PAPPA: variants seen among roughly 807,000 people sequenced by gnomAD.
PAPPA encodes pappalysin 1.
Under a neutral mutation model 164.0 loss-of-function variants are expected in PAPPA, and 60 were observed. The ratio of observed to expected loss-of-function variants is 0.37; its 90% CI spans 0.30 to 0.45. The LOEUF (loss-of-function observed/expected upper bound fraction) is 0.45, where lower values mean the gene tolerates loss of function less well. PAPPA is among the 20% of genes least tolerant of loss of function. PAPPA has a pLI of 1.00. For synonymous variants in PAPPA, 875 were observed against 814.1 expected, an observed-to-expected ratio of 1.07 and a Z score of -1.27; for missense variants, 1,782 against 2,087.3, an observed-to-expected ratio of 0.85 and a Z score of 2.85.
intron 1 of PAPPA, among the ~76,000 whole-genome samples, chr9:116,163,200 T>C (rs1005708776): frequency 4.6e-5 from 7 of 152,162 alleles, no homozygotes; most frequent in Non-Finnish European, 1.0e-4. Flanking sequence ...AGACAGACTA[T>C]AAATGAATAA....
At chr9:116,391,199 A>G (rs1286444194) in intron 21 of PAPPA, among the ~76,000 whole-genome samples, 1 of 152,222 alleles carries the variant, frequency 6.6e-6, no homozygotes, top group Non-Finnish European at 1.5e-5. Flanking sequence ...CAAGCTTCGT[A>G]TACATTAACT....
At chr9:116,359,072 C>T (rs1368799131) in intron 17 of PAPPA, among the ~76,000 whole-genome samples, 1 of 152,160 alleles carries the variant, frequency 6.6e-6, no homozygotes, top group Non-Finnish European at 1.5e-5. Flanking sequence ...TAAAGAGCAT[C>T]CCCAAATCTA....
chr9:116,362,446 T>G, intron 17 of PAPPA, 146 bp from the exon 18 acceptor site: 4 of 771,258 alleles, frequency 5.2e-6, no homozygotes, highest in Non-Finnish European at 8.0e-6. Flanking sequence ...TCAGGGTGGT[T>G]GAGTTTCAAC....
In PAPPA at chr9:116,187,180, T is replaced by C. The variant is rs141966628; in HGVS notation, c.442T>C (p.Ser148Pro). The C allele has an allele frequency of 6.6e-5, 107 of 1,613,984 alleles. No homozygotes were observed. The African/African-American group carries it at 1.3e-3, about 20-fold the overall frequency. ...GCTGTATGACAAATGTTCTTATATC[T>C]CACGTGACCGAGGATGGGTCGTGGG... is the stretch of plus-strand genomic sequence containing the variant. ...TGLYDKCSYI[S>P]RDRGWVVGIH... The change falls in exon 2 of 22, where the codon TCA becomes CCA. Residue 148 changes from serine to proline, a missense_variant. Ser to Pro is a moderately conservative substitution (Grantham distance 74, BLOSUM62 -1). Transcript: ENST00000328252. The surrounding 1 kb of genome is among the most constrained non-coding windows in gnomAD (Gnocchi z 4.2).
chr9:116,333,612 T>C (rs1564229680), intron 12 of PAPPA, among the ~76,000 whole-genome samples: 2 of 152,234 alleles, frequency 1.3e-5, no homozygotes, highest in African/African-American at 4.8e-5. Context: ...TTTGTTTTTA[T>C]GCTTGTTTAT....
intron 9 of PAPPA, among the ~76,000 whole-genome samples, chr9:116,276,929 C>T (rs768542138): frequency 1.3e-5 from 2 of 152,072 alleles, no homozygotes; most frequent in Non-Finnish European, 2.9e-5. Context: ...TTCACCGAGC[C>T]TTGTGGCCCC....
intron 7 of PAPPA, among the ~76,000 whole-genome samples, chr9:116,239,316 C>G (rs1486926653): frequency 6.6e-6 from 1 of 152,122 alleles, no homozygotes; most frequent in Non-Finnish European, 1.5e-5. Context: ...AGAAAGGGTA[C>G]CAGTGCCAAC....
intron 21 of PAPPA, among the ~76,000 whole-genome samples, chr9:116,394,317 T>A (rs1846933317): frequency 1.3e-5 from 2 of 152,208 alleles, no homozygotes; most frequent in Non-Finnish European, 2.9e-5. Context: ...GGCTTTTGCA[T>A]GTTTCTTCTT....
intron 1 of PAPPA, among the ~76,000 whole-genome samples, chr9:116,183,348 A>C (rs1187750582): frequency 2.0e-5 from 3 of 152,196 alleles, no homozygotes; most frequent in Non-Finnish European, 4.4e-5. Context: ...AGTGAACAAA[A>C]GAGCTCTTAA....
At chr9:116,246,619 G>A (rs1211350901) in intron 7 of PAPPA, among the ~76,000 whole-genome samples, 3 of 152,080 alleles carry the variant, frequency 2.0e-5, no homozygotes, top group Non-Finnish European at 4.4e-5. Flanking sequence ...GAAACTTCCT[G>A]GCATGCAAGA....
intron 1 of PAPPA, among the ~76,000 whole-genome samples, chr9:116,184,747 T>C (rs1204695078): frequency 6.6e-6 from 1 of 152,208 alleles, no homozygotes; most frequent in African/African-American, 2.4e-5. Context: ...CAAGAATACA[T>C]TTTATTCTCT....
At chr9:116,386,075 G>A (rs1846807135) in intron 21 of PAPPA, among the ~76,000 whole-genome samples, 1 of 152,130 alleles carries the variant, frequency 6.6e-6, no homozygotes, top group South Asian at 2.1e-4. Flanking sequence ...GGGTAGAAGG[G>A]GAAAGGTCTC....
At chr9:116,217,245 A>G (rs1844385302) in intron 4 of PAPPA, among the ~76,000 whole-genome samples, 1 of 152,234 alleles carries the variant, frequency 6.6e-6, no homozygotes, top group South Asian at 2.1e-4. Context: ...AGTGTCATTC[A>G]TCTTGAGAAA....
At chr9:116,218,620 T>C (rs898791708) in intron 4 of PAPPA, among the ~76,000 whole-genome samples, 12 of 152,148 alleles carry the variant, frequency 7.9e-5, no homozygotes, top group Admixed American at 7.9e-4. Flanking sequence ...CAAAGGTCCT[T>C]AGATCTAAAG....
chr9:116,219,604 G>A (rs1844417177), intron 4 of PAPPA, among the ~76,000 whole-genome samples: 1 of 152,124 alleles, frequency 6.6e-6, no homozygotes, highest in Non-Finnish European at 1.5e-5. Context: ...GTGCCCAGTG[G>A]ATTTGGGGGC....
chr9:116,250,825 C>A (rs946408315), intron 7 of PAPPA, among the ~76,000 whole-genome samples: 4 of 152,202 alleles, frequency 2.6e-5, no homozygotes. Flanking sequence ...TCCTAATTCC[C>A]AGTCCAGGTG....
chr9:116,309,603 A>G (rs112562344), intron 10 of PAPPA, among the ~76,000 whole-genome samples: 2 of 152,262 alleles, frequency 1.3e-5, no homozygotes, highest in Admixed American at 6.5e-5. Context: ...CTGAGTTTCA[A>G]CTAAGAGGAT....
chr9:116,390,696 C>A (rs938095536), intron 21 of PAPPA, among the ~76,000 whole-genome samples: 9 of 126,618 alleles, frequency 7.1e-5, no homozygotes, highest in Non-Finnish European at 1.3e-4. Context: ...TCTGCCTCCC[C>A]CTGCCCCCCG....
At chr9:116,222,503 C>T (rs1212715555) in intron 5 of PAPPA, among the ~76,000 whole-genome samples, 1 of 152,098 alleles carries the variant, frequency 6.6e-6, no homozygotes, top group Non-Finnish European at 1.5e-5. Context: ...CAATGGAATA[C>T]TATTCAGCCT....
Sources: gnomAD v4.1 joint callset for allele counts (sites outside exome capture counted in the v4.1 genomes callset) on GRCh38, gnomAD v4.1.1 for gene constraint, Gnocchi (gnomAD v3.1) non-coding constraint, MANE v1.5 for transcripts, NCBI Gene and HGNC (gene_info 2026-07-23, HGNC 2026-07-21) for gene names.